Variants in RALGAPA1 observed in about 807,000 individuals in gnomAD.
RALGAPA1 encodes the protein ral GTPase-activating protein subunit alpha-1.
In RALGAPA1, 52 loss-of-function variants were observed where a neutral mutation model predicts 269.6. The ratio of observed to expected loss-of-function variants is 0.19; its 90% confidence interval spans 0.15 to 0.24. The LOEUF (loss-of-function observed/expected upper bound fraction) is 0.24. RALGAPA1 is among the 10% of genes least tolerant of loss of function. The pLI is 1.00. For missense variants in RALGAPA1, 1,917 were observed against 3,013.9 expected (o/e 0.64, Z 8.52); for synonymous variants, 817 against 1,008.3 (o/e 0.81, Z 3.60).
Position 35,748,756 on chromosome 14 carries a change from A to G in RALGAPA1, c.1080T>C (p.Thr360=). ...KNDNADKTDR[T]TEPEQSHSNT... ...TGGAATGAGACTGTTCGGGTTCTGT[A>G]GTTCTGTCTGTTTTATCAGCATTAT... The change falls in exon 10 of 42, where the codon ACT becomes ACC. Residue 360 remains threonine, a synonymous_variant. Coordinates refer to ENST00000680220, the MANE Select transcript of RALGAPA1 (RefSeq NM_001346249.2). The G allele has an allele frequency of 6.2e-7, 1 of 1,612,152 alleles. No individual in the cohort carries two copies. Among genetic ancestry groups the G allele is most frequent in the African/African-American group, 1.3e-5 (1 of 74,564 alleles).
chr14:35,683,501 A>G (rs997033833), intron 21 of RALGAPA1: 5 of 189,648 alleles, frequency 2.6e-5, no homozygotes, highest in African/African-American at 1.2e-4. Context: ...CATGTACTCC[A>G]TATACATATA....
chr14:35,743,883 A>G (rs73252325), intron 10 of RALGAPA1, among the ~76,000 whole-genome samples: 6,073 of 152,152 alleles, frequency 0.04, 422 homozygotes, highest in African/African-American at 0.14. Flanking sequence ...CTTTTCTTCC[A>G]GTATTTTCTG....
intron 11 of RALGAPA1, among the ~76,000 whole-genome samples, chr14:35,740,342 TG>T (rs2071430122): frequency 6.6e-6 from 1 of 152,222 alleles, no homozygotes; most frequent in African/African-American, 2.4e-5. Context: ...TTTTGAAATT[TG>T]TGAGTGTTTT....
At chr14:35,680,441 C>T (rs2065328816) in intron 21 of RALGAPA1, among the ~76,000 whole-genome samples, 1 of 151,916 alleles carries the variant, frequency 6.6e-6, no homozygotes, top group South Asian at 2.1e-4. Flanking sequence ...AACTCCTGAC[C>T]TCAGGTGATT....
At chr14:35,775,252 C>T (rs1367053301) in intron 2 of RALGAPA1, among the ~76,000 whole-genome samples, 197 bp from the exon 3 acceptor site, 1 of 151,954 alleles carries the variant, frequency 6.6e-6, no homozygotes, top group Non-Finnish European at 1.5e-5. Context: ...AATTTAGGTT[C>T]CACATATTTA....
rs913149829 is a variant in RALGAPA1 at position 35,654,534 on chromosome 14, A to G, written c.5497-57T>C. 30 of 1,515,606 alleles carry G rather than the reference A, an allele frequency of 2.0e-5. No individual in the cohort carries two copies. In the African/African-American group the frequency reaches 4.0e-4, roughly 20 times the overall value. 93.9% of individuals were successfully genotyped at this position (1,515,606 alleles called of 1,614,324 possible). ...TTCATGATGAACTTTTCATCAATGT[A>G]TTATCTGCTGAAAATTTTTACATTT... is the stretch of plus-strand genomic sequence containing the variant. On this transcript the variant is annotated intron_variant, in intron 29 of 41. Coordinates refer to ENST00000680220, the MANE Select transcript of RALGAPA1 (RefSeq NM_001346249.2).
chr14:35,586,976 T>G (rs1267172729), intron 37 of RALGAPA1, among the ~76,000 whole-genome samples: 3 of 152,230 alleles, frequency 2.0e-5, no homozygotes, highest in Non-Finnish European at 4.4e-5. Context: ...GCTGGCCTCA[T>G]AAAATGAGTT....
At chr14:35,778,488 T>C (rs1408291667) in intron 1 of RALGAPA1, among the ~76,000 whole-genome samples, 4 of 152,194 alleles carry the variant, frequency 2.6e-5, no homozygotes, top group Non-Finnish European at 5.9e-5. Context: ...GAAAGAACAA[T>C]GTTTCAAATG....
At position 35,634,932 on chromosome 14, in the gene RALGAPA1, G is replaced by A. The variant is rs540185775; in HGVS notation, c.5812-175C>T. 5.9e-5 allele frequency among the ~76,000 whole-genome samples: 9 copies of A among 152,258 alleles called. No homozygotes were observed. In the South Asian group the frequency reaches 1.7e-3, roughly 28 times the overall value. The stretch of plus-strand genomic sequence containing the variant: ...CTGTAATCCCAGCAGGGATTACAGG[G>A]AGGCCCAGCCAGGTGGATCACTTGA... On this transcript the variant is annotated intron_variant, in intron 32 of 41. Coordinates refer to ENST00000680220, the MANE Select transcript of RALGAPA1 (RefSeq NM_001346249.2).
intron 28 of RALGAPA1, among the ~76,000 whole-genome samples, chr14:35,657,960 G>A (rs957709868): frequency 2.0e-5 from 3 of 152,052 alleles, no homozygotes; most frequent in African/African-American, 4.8e-5. Flanking sequence ...TTAGAACAGT[G>A]CCTAGCAAGC....
At chr14:35,791,904 C>CAAA (rs773722682) in intron 1 of RALGAPA1, among the ~76,000 whole-genome samples, 228 of 11,772 alleles carry the variant, frequency 0.019, 60 homozygotes, top group African/African-American at 0.049. Flanking sequence ...GACTCTGTCT[C>CAAA]AAAAAAAAAA....
At chr14:35,603,848 G>A (rs982231687) in intron 36 of RALGAPA1, among the ~76,000 whole-genome samples, 2 of 152,120 alleles carry the variant, frequency 1.3e-5, no homozygotes, top group Admixed American at 6.5e-5. Flanking sequence ...GGTGAAGGTG[G>A]TGGTTGTGGT....
intron 4 of RALGAPA1, chr14:35,766,355 G>A (rs945981515): frequency 3.0e-5 from 41 of 1,344,354 alleles, no homozygotes; most frequent in East Asian, 1.8e-4. Context: ...TGACAAATGT[G>A]AGCAAACTAT....
intron 35 of RALGAPA1, among the ~76,000 whole-genome samples, chr14:35,616,199 G>A (rs1256634984): frequency 6.6e-6 from 1 of 152,048 alleles, no homozygotes; most frequent in Non-Finnish European, 1.5e-5. Flanking sequence ...ACCATCAGGA[G>A]GAAGATCCGA....
At chr14:35,587,269 G>A (rs1437968791) in intron 37 of RALGAPA1, among the ~76,000 whole-genome samples, 2 of 152,144 alleles carry the variant, frequency 1.3e-5, no homozygotes, top group Non-Finnish European at 2.9e-5. Context: ...TATAGTCTCT[G>A]ATGGTAGTAA....
chr14:35,687,335 T>C (rs1364703420), intron 18 of RALGAPA1, among the ~76,000 whole-genome samples: 1 of 152,218 alleles, frequency 6.6e-6, no homozygotes, highest in South Asian at 2.1e-4. Context: ...GGTATCTATG[T>C]CACTACTATG....
At chr14:35,750,393 G>A (rs1170177634) in intron 9 of RALGAPA1, 89 bp downstream of exon 9, 4 of 800,708 alleles carry the variant, frequency 5.0e-6, no homozygotes, top group Admixed American at 5.4e-5. Context: ...TTATTTAAGT[G>A]TACGCTCCAC....
At chr14:35,612,705 A>T (rs901902299) in intron 35 of RALGAPA1, among the ~76,000 whole-genome samples, 2 of 151,796 alleles carry the variant, frequency 1.3e-5, no homozygotes, top group African/African-American at 4.8e-5. Context: ...CGCCCCGCTA[A>T]TTTTTTGTAT....
chr14:35,565,474 G>A (rs996285228), intron 39 of RALGAPA1, among the ~76,000 whole-genome samples: 2 of 151,902 alleles, frequency 1.3e-5, no homozygotes, highest in African/African-American at 4.8e-5. Context: ...ATGTGGGTGG[G>A]CCTCATCCAA....
Sources: gnomAD v4.1 joint callset for allele counts (sites outside exome capture counted in the v4.1 genomes callset) on GRCh38, gnomAD v4.1.1 for gene constraint, MANE v1.5 for transcripts, NCBI Gene and HGNC (gene_info 2026-07-23, HGNC 2026-07-21) for gene names.